PLCD3: variants seen among roughly 807,000 people sequenced by gnomAD.
PLCD3 encodes 1-phosphatidylinositol 4,5-bisphosphate phosphodiesterase delta-3.
In PLCD3, 62 loss-of-function variants were observed where a neutral mutation model predicts 82.8. The ratio of observed to expected loss-of-function variants is 0.75; its 90% CI spans 0.61 to 0.93. The LOEUF is 0.93. Among genes scored for constraint, PLCD3 ranks in the 40% least tolerant of loss-of-function variants. PLCD3 has a pLI of 0.00. For synonymous variants in PLCD3, 478 were observed against 471.8 expected (o/e 1.01, Z -0.17); for missense variants, 1,023 against 1,103.4 (o/e 0.93, Z 1.03).
Position 45,112,659 on chromosome 17 carries a change from G to C in PLCD3, c.2327C>G (p.Ser776Ter). 6.2e-7 allele frequency: 1 copy of C among 1,607,460 alleles called. No homozygotes were observed. Among genetic ancestry groups the C allele is most frequent in the Non-Finnish European group, 8.5e-7 (1 of 1,177,328 alleles). The change falls in exon 15 of 15, where the codon TCA becomes TGA. Residue 776 changes from serine to a stop codon, truncating the protein, a stop_gained. Coordinates refer to ENST00000619929, the MANE Select transcript of PLCD3 (RefSeq NM_133373.5). LOFTEE classifies it high-confidence loss of function. ...GATTTGGATGAAGAGCGTGGCTGGT[G>C]ACAGTGAGGCCCCGTCCTTGGAAAG... ...HLLSKDGASL[S>*]PATLFIQIRI...
At chr17:45,112,809 G>T in intron 14 of PLCD3, 54 bp downstream of exon 14, 3 of 1,604,266 alleles carry the variant, frequency 1.9e-6, no homozygotes, top group Non-Finnish European at 1.7e-6. Flanking sequence ...AGGTGAACAG[G>T]GTCTGCAGGA....
At chr17:45,113,067 C>A in intron 13 of PLCD3, 55 bp from the exon 14 acceptor site, 1 of 1,607,978 alleles carries the variant, frequency 6.2e-7, no homozygotes, top group African/African-American at 1.3e-5. Context: ...CACCCTGCAC[C>A]ACCCTTCGCT....
intron 1 of PLCD3, among the ~76,000 whole-genome samples, chr17:45,123,480 A>G (rs2054357077): frequency 6.6e-6 from 1 of 152,214 alleles, no homozygotes; most frequent in Admixed American, 6.5e-5. Flanking sequence ...AGGGGCAGAC[A>G]GGTAGACGGA....
In PLCD3 at chr17:45,110,161, T is replaced by G. The variant is rs1312921716; in HGVS notation, c.*2455A>C. The G allele has an allele frequency of 1.3e-5, 2 of 149,578 alleles. No individual in the cohort carries two copies. The highest frequency in any genetic ancestry group is 3.0e-5 in the Non-Finnish European group (2 of 67,286). The allele number at this position is 149,578 out of a possible 1,614,324, so 9.3% of individuals were successfully genotyped here. A position where few individuals can be genotyped will look rare whatever the true frequency, so the allele number is the denominator to read the frequency against. On this transcript the variant is annotated 3_prime_UTR_variant, in exon 15 of 15. Coordinates refer to ENST00000619929, the MANE Select transcript of PLCD3 (RefSeq NM_133373.5). ...ACTTCCTTAAAGACTCTTGCCCTTT[T>G]GGCTGGGTGCAGTGGCTCACGCCTG...
chr17:45,129,181 T>C (rs1280650284), intron 1 of PLCD3: 1 of 152,256 alleles, frequency 6.6e-6, no homozygotes, highest in Non-Finnish European at 1.5e-5. Context: ...TAGCCAAGAA[T>C]GGTGGCTTAC....
chr17:45,113,326 C>T, intron 12 of PLCD3, 69 bp from the exon 13 acceptor site: 2 of 1,552,264 alleles, frequency 1.3e-6, no homozygotes, highest in Non-Finnish European at 1.7e-6. Context: ...GCCTCAAGCT[C>T]ACACCACCCT....
chr17:45,112,959 G>A lies in PLCD3; in HGVS notation c.2185C>T (p.Leu729=). 4 of 1,612,490 alleles carry A rather than the reference G, an allele frequency of 2.5e-6. No individual in the cohort carries two copies. Among genetic ancestry groups the A allele is most frequent in the Non-Finnish European group, 2.5e-6 (3 of 1,179,136 alleles). Residue 729 remains leucine, a synonymous_variant, in exon 14 of 15, where the codon CTG becomes TTG. Transcript: ENST00000619929. ...TLQFQLRAPE[L]ALVRFVVEDY... ...TCCACCACAAACCGGACCAGTGCCA[G>A]CTCCGGAGCCCGCAGCTGGAACTGC... is the stretch of plus-strand genomic sequence containing the variant.
chr17:45,115,065 C>T (rs753328289), intron 10 of PLCD3, 29 bp downstream of exon 10: 6 of 1,577,578 alleles, frequency 3.8e-6, no homozygotes, highest in South Asian at 1.2e-5. Context: ...ACCCTCTCGC[C>T]CCCAGACACC....
chr17:45,109,218 G>C lies in PLCD3; in HGVS notation c.*3398C>G, dbSNP rs2054224316. Reference sequence around the variant, plus strand: ...TGTCAGACCCTTCCCACCCGCCAGAGACGAGCTGCTATTGACCCAGGTTCA... The same window carrying C: ...TGTCAGACCCTTCCCACCCGCCAGACACGAGCTGCTATTGACCCAGGTTCA... On this transcript the variant is annotated 3_prime_UTR_variant, in exon 15 of 15. Transcript: ENST00000619929. 6.6e-6 allele frequency: 1 copy of C among 152,278 alleles called. No individual in the cohort carries two copies. The highest frequency in any genetic ancestry group is 1.5e-5 in the Non-Finnish European group (1 of 68,082). The allele number at this position is 152,278 out of a possible 1,614,324, so 9.4% of individuals were successfully genotyped here. A position where few individuals can be genotyped will look rare whatever the true frequency, so the allele number is the denominator to read the frequency against.
intron 1 of PLCD3, among the ~76,000 whole-genome samples, chr17:45,123,673 G>C (rs1010584094): frequency 1.3e-5 from 2 of 152,206 alleles, no homozygotes; most frequent in African/African-American, 4.8e-5. Context: ...GCTGGTGTGG[G>C]ATGGGGCCTG....
At chr17:45,128,273 A>C (rs2054396265) in intron 1 of PLCD3, among the ~76,000 whole-genome samples, 1 of 152,216 alleles carries the variant, frequency 6.6e-6, no homozygotes, top group Non-Finnish European at 1.5e-5. Context: ...TGGGGGTGGC[A>C]GCACCCTTTT....
intron 1 of PLCD3, among the ~76,000 whole-genome samples, chr17:45,122,339 T>C (rs183924596): frequency 6.6e-6 from 1 of 152,322 alleles, no homozygotes; most frequent in Admixed American, 6.5e-5. Context: ...AGACTCTGTC[T>C]CTAAAAAATA....
chr17:45,115,347 C>T lies in PLCD3; in HGVS notation c.1557G>A (p.Arg519=). 6.5e-7 allele frequency: 1 copy of T among 1,545,720 alleles called. No individual in the cohort carries two copies. Among genetic ancestry groups the T allele is most frequent in the Non-Finnish European group, 8.7e-7 (1 of 1,144,356 alleles). Residue 519 remains arginine, a synonymous_variant, in exon 9 of 15, where the codon CGG becomes CGA. Coordinates refer to ENST00000619929, the MANE Select transcript of PLCD3 (RefSeq NM_133373.5). ...EEEVEAAAQR[R]LAKQISPELS... ...CCCCACCCATCCCAGCTCTCACCAGCCGCCTCTGCGCTGCAGCCTCCACCT... is the reference window on the plus strand; with the variant it reads ...CCCCACCCATCCCAGCTCTCACCAGTCGCCTCTGCGCTGCAGCCTCCACCT...
Position 45,110,685 on chromosome 17 carries a change from A to C in PLCD3, c.*1931T>G, listed in dbSNP as rs2054234892. 1 of 152,242 alleles carries C rather than the reference A, an allele frequency of 6.6e-6. No individual in the cohort carries two copies. Among genetic ancestry groups the C allele is most frequent in the East Asian group, 1.9e-4 (1 of 5,148 alleles). The allele number at this position is 152,242 out of a possible 1,614,324, so 9.4% of individuals were successfully genotyped here. ...CTCTTCATTTGCTAAAACTGGACTT[A>C]GCCTCACTGTGCCTCCCATCCTGAG... On this transcript the variant is annotated 3_prime_UTR_variant, in exon 15 of 15. Coordinates refer to ENST00000619929, the MANE Select transcript of PLCD3 (RefSeq NM_133373.5).
intron 7 of PLCD3, among the ~76,000 whole-genome samples, chr17:45,117,439 A>G (rs182331954): frequency 1.3e-5 from 2 of 152,234 alleles, no homozygotes; most frequent in Admixed American, 6.5e-5. Context: ...GACAGGATGT[A>G]GCTATTTGCT....
Position 45,116,745 on chromosome 17 carries a change from A to G in PLCD3, c.1300T>C (p.Cys434Arg). 8 of 1,609,292 alleles carry G rather than the reference A, an allele frequency of 5.0e-6. No homozygotes were observed. Among genetic ancestry groups the G allele is most frequent in the Non-Finnish European group, 5.9e-6 (7 of 1,177,486 alleles). The change falls in exon 8 of 15, where the codon TGC becomes CGC. Residue 434 changes from cysteine (C) to arginine (R), a missense_variant. Around this residue, in one of 3 missense-constraint regions of PLCD3, gnomAD observed 553 missense variants for 655.7 expected, o/e 0.84. Transcript: ENST00000619929. ...ATGGCAGCCTGCTGCTCCAGCCCGC[A>G]GTGGTTCTCCAGGGATAGGATGACA... ...YPVILSLENH[C>R]GLEQQAAMAR... is the part of the protein sequence containing the mutation.
At chr17:45,117,945 G>C (rs773185753) in intron 7 of PLCD3, 49 bp downstream of exon 7, 1 of 1,605,030 alleles carries the variant, frequency 6.2e-7, no homozygotes, top group Admixed American at 1.7e-5. Flanking sequence ...TGCGGACGGA[G>C]GTCATTGGGA....
chr17:45,113,586 C>T lies in PLCD3; in HGVS notation c.1848G>A (p.Thr616=), dbSNP rs772251911. The change falls in exon 12 of 15, where the codon ACG becomes ACA. Residue 616 remains threonine (T), a synonymous_variant. Transcript: ENST00000619929. ...CATTGAGGTCCATCTCGTAGCCTGG[C>T]GTCTGGAAGTTCAAGGCCACTGTGG... The part of the protein sequence containing the change: ...GCQLVALNFQ[T]PGYEMDLNAG... The T allele has an allele frequency of 3.3e-5, 51 of 1,556,090 alleles. No homozygotes were observed. The highest frequency in any genetic ancestry group is 3.3e-4 in the Middle Eastern group (2 of 6,014).
chr17:45,113,849 G>T (rs2054268716), intron 11 of PLCD3, among the ~76,000 whole-genome samples: 1 of 151,998 alleles, frequency 6.6e-6, no homozygotes, highest in African/African-American at 2.4e-5. Flanking sequence ...CACCCTCAGG[G>T]CCAGGCTTGG....
Sources: gnomAD v4.1 joint callset for allele counts (sites outside exome capture counted in the v4.1 genomes callset) on GRCh38, gnomAD v4.1.1 for gene constraint, gnomAD v4.1.1 regional missense constraint, MANE v1.5 for transcripts, NCBI Gene and HGNC (gene_info 2026-07-23, HGNC 2026-07-21) for gene names.